The following TRPC3 variants were observed in gnomAD, a reference collection of about 807,000 sequenced individuals.
TRPC3 encodes short transient receptor potential channel 3.
In TRPC3, 54 loss-of-function variants were observed where a neutral mutation model predicts 90.9. That is an observed-to-expected ratio of 0.59 (90% CI 0.48 to 0.75). The LOEUF (loss-of-function observed/expected upper bound fraction) is 0.75. TRPC3 is among the 30% of genes least tolerant of loss of function. The pLI is 0.00. For synonymous variants in TRPC3, 424 were observed against 450.9 expected (o/e 0.94, Z 0.75); for missense variants, 918 against 1,194.5 (o/e 0.77, Z 3.41).
chr4:121,904,299 C>T (rs1275302357), intron 8 of TRPC3, 23 bp downstream of exon 8: 1 of 1,586,802 alleles, frequency 6.3e-7, no homozygotes, highest in Admixed American at 1.9e-5. Flanking sequence ...AGGATAGATA[C>T]TATGGATAGA....
intron 10 of TRPC3, among the ~76,000 whole-genome samples, chr4:121,884,639 A>C (rs907940599): frequency 2.4e-4 from 37 of 152,216 alleles, no homozygotes; most frequent in African/African-American, 8.9e-4. Context: ...AAGATTCAAA[A>C]TGTTATGCAG....
intron 2 of TRPC3, among the ~76,000 whole-genome samples, chr4:121,927,927 T>C (rs542035922): frequency 6.6e-6 from 1 of 152,236 alleles, no homozygotes; most frequent in Non-Finnish European, 1.5e-5. Flanking sequence ...CATTTTATTA[T>C]AGCATCCAGA....
chr4:121,919,811 T>C (rs1182563413), intron 3 of TRPC3, among the ~76,000 whole-genome samples: 2 of 152,204 alleles, frequency 1.3e-5, no homozygotes, highest in South Asian at 2.1e-4. Flanking sequence ...TCAGGAAATG[T>C]TCTCCTTCTC....
chr4:121,916,919 C>T (rs1453507670), intron 3 of TRPC3, among the ~76,000 whole-genome samples: 2 of 151,800 alleles, frequency 1.3e-5, no homozygotes, highest in Non-Finnish European at 2.9e-5. Flanking sequence ...TTCTCCATGG[C>T]GGTCAGGCTG....
intron 1 of TRPC3, among the ~76,000 whole-genome samples, chr4:121,939,887 C>T (rs940588425): frequency 9.2e-5 from 14 of 152,210 alleles, no homozygotes; most frequent in Admixed American, 9.2e-4. Flanking sequence ...GACACTAACT[C>T]TTTCCCCCTC....
intron 9 of TRPC3, among the ~76,000 whole-genome samples, chr4:121,901,659 G>GT (rs1051605075): frequency 6.6e-6 from 1 of 152,022 alleles, no homozygotes; most frequent in Admixed American, 6.6e-5. Context: ...TAGATCTCAT[G>GT]TAATCCTCAC....
At chr4:121,943,924 G>GTT (rs75269797) in intron 1 of TRPC3, among the ~76,000 whole-genome samples, 1 of 151,098 alleles carries the variant, frequency 6.6e-6, no homozygotes, top group African/African-American at 2.4e-5. Context: ...TTTTTAATAG[G>GTT]TTTTTTTTTA....
chr4:121,893,247 C>A (rs1011587477), intron 10 of TRPC3, among the ~76,000 whole-genome samples: 3 of 151,852 alleles, frequency 2.0e-5, no homozygotes, highest in Non-Finnish European at 2.9e-5. Context: ...CAAGAATGCA[C>A]ATGTATGTGT....
chr4:121,909,169 T>C (rs1728995675), intron 6 of TRPC3, among the ~76,000 whole-genome samples: 1 of 152,132 alleles, frequency 6.6e-6, no homozygotes, highest in Non-Finnish European at 1.5e-5. Flanking sequence ...ATTTGCTCAT[T>C]TGAACAAGTC....
chr4:121,945,162 T>C (rs1465768880), intron 1 of TRPC3, among the ~76,000 whole-genome samples: 2 of 152,256 alleles, frequency 1.3e-5, no homozygotes, highest in Non-Finnish European at 2.9e-5. Flanking sequence ...ATCTACTCCA[T>C]GTGCTTAATA....
At chr4:121,909,193 A>C (rs1218043426) in intron 6 of TRPC3, among the ~76,000 whole-genome samples, 2 of 152,122 alleles carry the variant, frequency 1.3e-5, no homozygotes, top group Non-Finnish European at 2.9e-5. Flanking sequence ...TTGGTATATA[A>C]AAGTCTTTGC....
At chr4:121,918,583 C>T (rs942677986) in intron 3 of TRPC3, among the ~76,000 whole-genome samples, 11 of 152,206 alleles carry the variant, frequency 7.2e-5, no homozygotes, top group African/African-American at 2.7e-4. Context: ...CAAACACTTA[C>T]TCTACATTAA....
rs1316877281 is a variant in TRPC3 at position 121,910,415 on chromosome 4, G to T, written c.1559-28C>A. ...GTCACAACAAATACAGAGGGTGCAG[G>T]TCAGATTTTACAGGCCAGACTGAGA... On this transcript the variant is annotated intron_variant, in intron 5 of 11. Transcript: ENST00000379645. The T allele has an allele frequency of 1.9e-6, 3 of 1,594,890 alleles. No homozygotes were observed. The African/African-American group carries it at 4.0e-5, about 21-fold the overall frequency.
At chr4:121,922,670 A>C (rs1019291042) in intron 3 of TRPC3, among the ~76,000 whole-genome samples, 1 of 152,206 alleles carries the variant, frequency 6.6e-6, no homozygotes, top group Non-Finnish European at 1.5e-5. Context: ...GCAATGATAA[A>C]AAACCAGTGA....
At chr4:121,940,009 T>G (rs1055318306) in intron 1 of TRPC3, among the ~76,000 whole-genome samples, 1 of 152,198 alleles carries the variant, frequency 6.6e-6, no homozygotes, top group African/African-American at 2.4e-5. Flanking sequence ...ATTTACTTTA[T>G]AGTATCGAAC....
intron 11 of TRPC3, 123 bp downstream of exon 11, chr4:121,882,230 TC>T: frequency 4.2e-6 from 3 of 711,606 alleles, no homozygotes; most frequent in Non-Finnish European, 6.8e-6. Context: ...AAGATCCTCC[TC>T]CCATCTTAGA....
intron 1 of TRPC3, among the ~76,000 whole-genome samples, chr4:121,935,747 G>T (rs1730110239): frequency 6.6e-6 from 1 of 152,010 alleles, no homozygotes; most frequent in African/African-American, 2.4e-5. Context: ...TTACCTTTGG[G>T]AAAATAAACT....
intron 1 of TRPC3, among the ~76,000 whole-genome samples, chr4:121,941,186 G>A (rs1304296901): frequency 1.3e-5 from 2 of 152,162 alleles, no homozygotes; most frequent in African/African-American, 2.4e-5. Flanking sequence ...GGGTGTTTGG[G>A]TTGAATCACA....
At chr4:121,939,519 C>A (rs978132476) in intron 1 of TRPC3, among the ~76,000 whole-genome samples, 1 of 152,178 alleles carries the variant, frequency 6.6e-6, no homozygotes, top group Non-Finnish European at 1.5e-5. Context: ...AAGTAAAAGT[C>A]AAGATGTGGA....
Sources: allele counts gnomAD v4.1 joint callset (sites outside exome capture counted in the v4.1 genomes callset), GRCh38; gene constraint gnomAD v4.1.1; transcripts MANE v1.5; gene names NCBI Gene and HGNC (gene_info 2026-07-23, HGNC 2026-07-21).